The following OSBPL1A variants were observed in gnomAD, a reference collection of about 807,000 sequenced individuals.
The protein encoded by OSBPL1A is oxysterol binding protein like 1A, also known as oxysterol-binding protein-related protein 1.
OSBPL1A carries 80 observed loss-of-function variants against 137.1 expected under a neutral mutation model. That is an observed-to-expected ratio of 0.58 (90% confidence interval 0.49 to 0.70). The LOEUF is 0.70. Among genes scored for constraint, OSBPL1A ranks in the 30% least tolerant of loss-of-function variants. The pLI is 0.00. For missense variants in OSBPL1A, 970 were observed against 1,129.4 expected (o/e 0.86, Z 2.02); for synonymous variants, 365 against 389.7 (o/e 0.94, Z 0.75).
intron 17 of OSBPL1A, among the ~76,000 whole-genome samples, chr18:24,200,699 G>C (rs553822257): frequency 6.6e-6 from 1 of 152,184 alleles, no homozygotes; most frequent in South Asian, 2.1e-4. Flanking sequence ...GAAAACAAAA[G>C]GGTTGTATTG....
At chr18:24,300,332 G>T (rs905784373) in intron 14 of OSBPL1A, among the ~76,000 whole-genome samples, 7 of 152,194 alleles carry the variant, frequency 4.6e-5, no homozygotes, top group Non-Finnish European at 8.8e-5. Context: ...TTAGGCTGTG[G>T]CCAGACTATG....
At chr18:24,346,197 C>T (rs2091343203) in intron 4 of OSBPL1A, among the ~76,000 whole-genome samples, 1 of 152,180 alleles carries the variant, frequency 6.6e-6, no homozygotes, top group African/African-American at 2.4e-5. Context: ...GCTCAGCAGT[C>T]AGTCATTCCC....
At chr18:24,311,953 T>G (rs1269431498) in intron 13 of OSBPL1A, 31 bp downstream of exon 13, 7 of 1,612,804 alleles carry the variant, frequency 4.3e-6, no homozygotes, top group Non-Finnish European at 5.9e-6. Context: ...CATAGATAGC[T>G]ATAAAGGTCA....
intron 25 of OSBPL1A, 109 bp downstream of exon 25, chr18:24,167,220 C>G: frequency 9.9e-7 from 1 of 1,006,140 alleles, no homozygotes; most frequent in Non-Finnish European, 1.5e-6. Context: ...GCTCAGGATG[C>G]CAACCTGCCT....
In OSBPL1A at chr18:24,341,565, T is replaced by C; in HGVS notation, c.376A>G (p.Ile126Val). Residue 126 changes from isoleucine to valine, a missense_variant, in exon 5 of 28, where the codon ATC becomes GTC. Physicochemically the swap from Ile to Val is conservative, Grantham distance 29. Coordinates refer to ENST00000319481, the MANE Select transcript of OSBPL1A (RefSeq NM_080597.4). ...TAKEVTHAEE[I>V]RSMLEAVERT... ...TATTTACCTTCAAGCATGCTTCTGA[T>C]TTCTTCAGCATGAGTAACTTCTTTT... 1 of 1,611,320 alleles carries C rather than the reference T, an allele frequency of 6.2e-7. No homozygotes were observed. Among genetic ancestry groups the C allele is most frequent in the East Asian group, 2.2e-5 (1 of 44,776 alleles).
At chr18:24,175,083 T>G (rs1265168943) in intron 21 of OSBPL1A, among the ~76,000 whole-genome samples, 1 of 139,560 alleles carries the variant, frequency 7.2e-6, no homozygotes, top group Non-Finnish European at 1.5e-5. Context: ...TCAGCTGACT[T>G]CATGTGCTTA....
chr18:24,218,977 A>G (rs1050615119), intron 17 of OSBPL1A, among the ~76,000 whole-genome samples: 8 of 152,066 alleles, frequency 5.3e-5, no homozygotes, highest in Non-Finnish European at 1.2e-4. Context: ...ATAAAGATAA[A>G]ATGGTATAGC....
intron 20 of OSBPL1A, 36 bp from the exon 21 acceptor site, chr18:24,178,231 A>G (rs769147981): frequency 2.2e-5 from 32 of 1,470,898 alleles, no homozygotes; most frequent in South Asian, 1.3e-5. Context: ...GAAAAAAAAA[A>G]GCAACATTAT....
intron 13 of OSBPL1A, among the ~76,000 whole-genome samples, chr18:24,310,798 G>C (rs2090608793): frequency 6.6e-6 from 1 of 152,054 alleles, no homozygotes; most frequent in Admixed American, 6.5e-5. Context: ...AGGTAAATAG[G>C]GAAGGATTTC....
chr18:24,210,784 C>T (rs2087514961), intron 17 of OSBPL1A, among the ~76,000 whole-genome samples: 1 of 152,126 alleles, frequency 6.6e-6, no homozygotes, highest in African/African-American at 2.4e-5. Context: ...GATCCTCCCA[C>T]CTTGGCCTCC....
intron 23 of OSBPL1A, among the ~76,000 whole-genome samples, chr18:24,171,197 C>A (rs1210340483): frequency 1.3e-5 from 2 of 151,744 alleles, no homozygotes; most frequent in Non-Finnish European, 2.9e-5. Flanking sequence ...CCATGCCTGG[C>A]TAATTTTTTT....
Position 24,303,693 on chromosome 18 carries a change from A to G in OSBPL1A, c.1118T>C (p.Leu373Pro), listed in dbSNP as rs778090523. ...LEKAQSCQQRLDREISNFLKM... is the reference protein window; with the variant it reads ...LEKAQSCQQRPDREISNFLKM... ...GAGAAAGTTGGAAATTTCCCTATCT[A>G]GTCGCTGTTGGCATGACTGTGCTTT... The change falls in exon 14 of 28, where the codon CTA becomes CCA. Residue 373 changes from leucine (L) to proline (P), a missense_variant. This residue lies in a region of OSBPL1A where 647 missense variants were observed against 672.6 expected (regional missense o/e 0.96). Coordinates refer to ENST00000319481, the MANE Select transcript of OSBPL1A (RefSeq NM_080597.4). The G allele has an allele frequency of 6.2e-7, 1 of 1,613,722 alleles. No individual in the cohort carries two copies. The highest frequency in any genetic ancestry group is 8.5e-7 in the Non-Finnish European group (1 of 1,179,812).
At chr18:24,298,434 C>A (rs559924235) in intron 14 of OSBPL1A, among the ~76,000 whole-genome samples, 2 of 152,186 alleles carry the variant, frequency 1.3e-5, no homozygotes, top group Non-Finnish European at 2.9e-5. Context: ...GCAACCTCTA[C>A]CCCCCGGGTT....
Position 24,185,843 on chromosome 18 carries a change from C to T in OSBPL1A, c.1678-4564G>A, listed in dbSNP as rs141014057. On this transcript the variant is annotated intron_variant, in intron 18 of 27. Transcript: ENST00000319481. ...TCTCACCACTTTGGGGACCAAGGCA[C>T]GAGGATCACTTGAGCCCAGGAATTC... is the stretch of plus-strand genomic sequence containing the variant. Among the ~76,000 whole-genome samples the T allele has an allele frequency of 6.8e-4, 104 of 152,208 alleles. 3 individuals carry two copies. The East Asian group carries it at 0.018, about 26-fold the overall frequency.
chr18:24,372,462 C>T (rs918888090), intron 2 of OSBPL1A, among the ~76,000 whole-genome samples: 15 of 152,112 alleles, frequency 9.9e-5, no homozygotes, highest in African/African-American at 3.6e-4. Context: ...ACTCACCTGT[C>T]GTCCTCCGTA....
At chr18:24,341,481 T>A (rs1159821983) in intron 5 of OSBPL1A, 66 bp downstream of exon 5, 6 of 1,246,136 alleles carry the variant, frequency 4.8e-6, no homozygotes, top group Non-Finnish European at 5.8e-6. Context: ...TCAGAAGCCA[T>A]TTTTAGTCAG....
chr18:24,276,882 T>C (rs2089857086), intron 15 of OSBPL1A, among the ~76,000 whole-genome samples: 1 of 152,206 alleles, frequency 6.6e-6, no homozygotes. Context: ...ACCACAGAAA[T>C]AGAAGGCATG....
At chr18:24,357,512 G>A (rs923193600) in intron 4 of OSBPL1A, 2 of 152,136 alleles carry the variant, frequency 1.3e-5, no homozygotes, top group African/African-American at 4.8e-5. Flanking sequence ...CAAAATATGG[G>A]GGAGGCATGT....
At chr18:24,197,810 G>A (rs1250233547) in intron 17 of OSBPL1A, among the ~76,000 whole-genome samples, 14 of 113,574 alleles carry the variant, frequency 1.2e-4, no homozygotes, top group African/African-American at 4.8e-4. Flanking sequence ...TTTTTGAGAT[G>A]GACTTTCGTT....
Sources: allele counts gnomAD v4.1 joint callset (sites outside exome capture counted in the v4.1 genomes callset), GRCh38; gene constraint gnomAD v4.1.1; regional missense constraint gnomAD v4.1.1; transcripts MANE v1.5; gene names NCBI Gene and HGNC (gene_info 2026-07-23, HGNC 2026-07-21).